The following PDE11A variants were observed in gnomAD, a reference collection of about 807,000 sequenced individuals.
PDE11A encodes dual 3',5'-cyclic-AMP and -GMP phosphodiesterase 11A.
PDE11A carries 100 observed loss-of-function variants against 100.5 expected under a neutral mutation model. The ratio of observed to expected loss-of-function variants is 1.00; its 90% CI spans 0.85 to 1.18. The LOEUF is 1.18. Among genes scored for constraint, PDE11A ranks in the 50% most tolerant of loss-of-function variants. The pLI, the probability that PDE11A is intolerant of heterozygous loss-of-function variation, is 0.00. For synonymous variants in PDE11A, 381 were observed against 420.8 expected, an observed-to-expected ratio of 0.91 and a Z score of 1.16; for missense variants, 1,141 against 1,152.6, an observed-to-expected ratio of 0.99 and a Z score of 0.15.
At chr2:177,874,745 T>A (rs542341413) in intron 5 of PDE11A, among the ~76,000 whole-genome samples, 1 of 152,352 alleles carries the variant, frequency 6.6e-6, no homozygotes, top group African/African-American at 2.4e-5. Context: ...TCTGTACAGC[T>A]AAGATACATC....
rs188151592 is a variant in PDE11A, at chr2:177,898,312, C to T, written c.1162-114G>A. 26 of 724,872 alleles carry T rather than the reference C, an allele frequency of 3.6e-5. No individual in the cohort carries two copies. In the African/African-American group the frequency reaches 4.1e-4, roughly 12 times the overall value. The allele number at this position is 724,872 out of a possible 1,614,324, so 44.9% of individuals were successfully genotyped here. On this transcript the variant is annotated intron_variant, in intron 3 of 19. Transcript: ENST00000286063. ...AAATATAGTAAATCTTTTTGTGTAGCTAATTTTAAAAAATTTTATGATTGT... is the reference window on the plus strand; with the variant it reads ...AAATATAGTAAATCTTTTTGTGTAGTTAATTTTAAAAAATTTTATGATTGT...
rs1309765788 is a variant in PDE11A, at chr2:177,973,347, TCACTCC to T, written c.1071+40949_1071+40954del. Among the ~76,000 whole-genome samples, 6 of 80,306 alleles carry T rather than the reference TCACTCC, an allele frequency of 7.5e-5. 1 individual carries two copies. Among genetic ancestry groups the T allele is most frequent in the South Asian group, 5.1e-4 (1 of 1,968 alleles). 52.7% of individuals were successfully genotyped at this position (80,306 alleles called of 152,430 possible). On this transcript the variant is annotated intron_variant, in intron 2 of 19. Coordinates refer to ENST00000286063, the MANE Select transcript of PDE11A (RefSeq NM_016953.4). Reference sequence around the variant, plus strand: ...TGACGGACGCACCTGGAAAATCGGGTCACTCCCACCCGAATATTGCGCTTTTCAGAC... The same window carrying T: ...TGACGGACGCACCTGGAAAATCGGGTCACCCGAATATTGCGCTTTTCAGAC...
chr2:177,948,463 T>C (rs2085470280), intron 2 of PDE11A, among the ~76,000 whole-genome samples: 1 of 152,202 alleles, frequency 6.6e-6, no homozygotes, highest in African/African-American at 2.4e-5. Flanking sequence ...AAACTCTAGA[T>C]AGAAAAATGA....
At chr2:178,105,816 A>G (rs2087611106) in intron 1 of PDE11A, 1 of 660,204 alleles carries the variant, frequency 1.5e-6, no homozygotes, top group Non-Finnish European at 2.1e-6. Context: ...GCCAACTGGG[A>G]CCTTGGCCAG....
intron 19 of PDE11A, among the ~76,000 whole-genome samples, chr2:177,655,499 G>C (rs2080367214): frequency 1.3e-5 from 2 of 152,102 alleles, no homozygotes; most frequent in Non-Finnish European, 2.9e-5. Flanking sequence ...CTGCTACTCA[G>C]AACTTCTTCC....
chr2:177,706,430 A>G (rs2081281295), intron 13 of PDE11A, among the ~76,000 whole-genome samples: 8 of 152,226 alleles, frequency 5.3e-5, no homozygotes, highest in Admixed American at 5.2e-4. Flanking sequence ...CATCTTGAAT[A>G]TAGAAAATAC....
At chr2:177,737,219 A>C (rs928930624) in intron 10 of PDE11A, among the ~76,000 whole-genome samples, 2 of 151,000 alleles carry the variant, frequency 1.3e-5, no homozygotes, top group Non-Finnish European at 3.0e-5. Flanking sequence ...CAGCCCAGGC[A>C]ACAAGAGTGA....
At chr2:177,767,299 C>A (rs1035987315) in intron 10 of PDE11A, among the ~76,000 whole-genome samples, 1 of 152,020 alleles carries the variant, frequency 6.6e-6, no homozygotes, top group Non-Finnish European at 1.5e-5. Flanking sequence ...CACTGCATTC[C>A]AGCCTGGGTG....
chr2:177,896,134 G>A (rs1036465725), intron 4 of PDE11A, among the ~76,000 whole-genome samples: 5 of 152,108 alleles, frequency 3.3e-5, no homozygotes, highest in African/African-American at 1.2e-4. Flanking sequence ...GAGGCCTTTT[G>A]AACTTTCAGT....
Position 177,774,635 on chromosome 2 carries a change from C to G in PDE11A, c.1738-5262G>C, listed in dbSNP as rs574492266. 5.9e-5 allele frequency among the ~76,000 whole-genome samples: 9 copies of G among 152,346 alleles called. No homozygotes were observed. In the East Asian group the frequency reaches 1.7e-3, roughly 29 times the overall value. On this transcript the variant is annotated intron_variant, in intron 9 of 19. Transcript: ENST00000286063. ...CTTCTTCAGTGATGCCATACACTCT[C>G]ATGGCTTTATACACCATCGTTGTGT...
chr2:177,708,315 A>C (rs2081310670), intron 13 of PDE11A, among the ~76,000 whole-genome samples: 1 of 152,220 alleles, frequency 6.6e-6, no homozygotes, highest in South Asian at 2.1e-4. Flanking sequence ...AAAAAGAATG[A>C]GGTCATGTCT....
intron 2 of PDE11A, among the ~76,000 whole-genome samples, chr2:177,917,706 T>C (rs10170607): frequency 0.086 from 13,066 of 152,202 alleles, 531 homozygotes; most frequent in South Asian, 0.1. Context: ...TATGTAATAA[T>C]CTCAGGAAAA....
intron 10 of PDE11A, among the ~76,000 whole-genome samples, chr2:177,756,252 C>T (rs2082089336): frequency 6.6e-6 from 1 of 152,092 alleles, no homozygotes; most frequent in South Asian, 2.1e-4. Context: ...CCAGCTTTTG[C>T]CCTCACACAC....
At chr2:177,855,903 AACACACACACACACACACACACAC>A (rs57202805) in intron 5 of PDE11A, among the ~76,000 whole-genome samples, 3 of 139,666 alleles carry the variant, frequency 2.1e-5, no homozygotes, top group East Asian at 2.1e-4. Context: ...GAACGTATGC[AACACACACACACACACACACACAC>A]ACACACACAC....
chr2:177,868,117 C>T (rs1393627672), intron 5 of PDE11A, among the ~76,000 whole-genome samples: 2 of 152,078 alleles, frequency 1.3e-5, no homozygotes. Flanking sequence ...AACTAGATTC[C>T]ACACAGATGT....
intron 4 of PDE11A, among the ~76,000 whole-genome samples, chr2:177,884,688 T>C (rs1321341319): frequency 6.6e-6 from 1 of 152,146 alleles, no homozygotes; most frequent in East Asian, 1.9e-4. Flanking sequence ...TTTTGAATCA[T>C]AGGAGAGGCC....
chr2:177,845,707 C>G (rs13013319), intron 5 of PDE11A, among the ~76,000 whole-genome samples: 4 of 152,090 alleles, frequency 2.6e-5, no homozygotes, highest in African/African-American at 4.8e-5. Context: ...TGTAGCAAGC[C>G]GAGATCAAGC....
At chr2:177,682,727 A>C (rs573477520) in intron 15 of PDE11A, among the ~76,000 whole-genome samples, 1 of 148,914 alleles carries the variant, frequency 6.7e-6, no homozygotes, top group African/African-American at 2.5e-5. Flanking sequence ...CCATGTGAAG[A>C]TGTTCCTGCC....
At chr2:178,064,564 AC>A (rs1188273755) in intron 1 of PDE11A, among the ~76,000 whole-genome samples, 2 of 152,126 alleles carry the variant, frequency 1.3e-5, no homozygotes, top group Non-Finnish European at 2.9e-5. Context: ...ATGCTTGCTA[AC>A]GAGCTGTGTG....
Sources: allele counts gnomAD v4.1 joint callset (sites outside exome capture counted in the v4.1 genomes callset), GRCh38; gene constraint gnomAD v4.1.1; transcripts MANE v1.5; gene names NCBI Gene and HGNC (gene_info 2026-07-23, HGNC 2026-07-21).